The following MAGI2 variants were observed in gnomAD, a reference collection of about 807,000 sequenced individuals.
MAGI2 encodes membrane-associated guanylate kinase, WW and PDZ domain-containing protein 2.
In MAGI2, 35 loss-of-function variants were observed where a neutral mutation model predicts 133.3. That is an observed-to-expected ratio of 0.26 (90% CI 0.20 to 0.35). The LOEUF is 0.35. MAGI2 is among the 10% of genes least tolerant of loss of function. MAGI2 has a pLI of 1.00. For missense variants in MAGI2, 1,636 were observed against 1,863.4 expected (o/e 0.88, Z 2.25); for synonymous variants, 729 against 710.6 (o/e 1.03, Z -0.41).
intron 1 of MAGI2, among the ~76,000 whole-genome samples, chr7:79,159,458 G>C (rs1824140339): frequency 6.6e-6 from 1 of 150,644 alleles, no homozygotes; most frequent in Admixed American, 6.6e-5. Flanking sequence ...CAGAGGTTGC[G>C]GGTGAGCTGA....
intron 1 of MAGI2, among the ~76,000 whole-genome samples, chr7:79,201,348 G>T (rs373545752): frequency 2.6e-5 from 4 of 152,050 alleles, no homozygotes; most frequent in South Asian, 4.1e-4. Context: ...GTTTATGAGG[G>T]TTTTATGTGA....
intron 3 of MAGI2, among the ~76,000 whole-genome samples, chr7:78,625,555 A>G (rs1342830753): frequency 1.3e-5 from 2 of 152,116 alleles, no homozygotes; most frequent in African/African-American, 4.8e-5. Flanking sequence ...AGTACATTTA[A>G]TATAGCCTAA....
At chr7:78,078,789 T>G in intron 21 of MAGI2, 158 bp downstream of exon 21, 1 of 195,542 alleles carries the variant, frequency 5.1e-6, no homozygotes, top group Non-Finnish European at 8.8e-6. Context: ...TGTGTGTGTA[T>G]GTGTGTGTGT....
intron 15 of MAGI2, among the ~76,000 whole-genome samples, chr7:78,164,409 C>T (rs1825415134): frequency 6.6e-6 from 1 of 152,188 alleles, no homozygotes. Context: ...CCCTCATGGT[C>T]CTTATGGGGC....
intron 21 of MAGI2, among the ~76,000 whole-genome samples, chr7:78,046,608 A>T (rs1811461547): frequency 6.6e-6 from 1 of 152,226 alleles, no homozygotes; most frequent in Non-Finnish European, 1.5e-5. Context: ...ACAAGGTGAG[A>T]TATGGCCAAG....
At chr7:79,029,484 T>C (rs937791913) in intron 1 of MAGI2, among the ~76,000 whole-genome samples, 3 of 152,164 alleles carry the variant, frequency 2.0e-5, no homozygotes, top group Admixed American at 6.6e-5. Context: ...ATCATTATAT[T>C]TGGTGACCTG....
At chr7:78,885,467 G>A (rs73144911) in intron 2 of MAGI2, among the ~76,000 whole-genome samples, 9,353 of 152,170 alleles carry the variant, frequency 0.061, 355 homozygotes, top group Middle Eastern at 0.11. Context: ...TTTATACTGT[G>A]CTAAGGCTAT....
intron 1 of MAGI2, among the ~76,000 whole-genome samples, chr7:79,081,053 G>A (rs868295585): frequency 2.0e-5 from 3 of 151,958 alleles, no homozygotes; most frequent in East Asian, 1.9e-4. Context: ...AAACCCGGCC[G>A]CACAGATATG....
chr7:78,761,439 G>C (rs1031885115), intron 2 of MAGI2, among the ~76,000 whole-genome samples: 3 of 151,940 alleles, frequency 2.0e-5, no homozygotes, highest in African/African-American at 7.2e-5. Flanking sequence ...AACCATCTGG[G>C]GGTCTTGTTA....
intron 2 of MAGI2, among the ~76,000 whole-genome samples, chr7:78,673,571 C>A (rs1014614824): frequency 2.0e-5 from 3 of 152,052 alleles, no homozygotes; most frequent in African/African-American, 7.2e-5. Context: ...AAGAAGAAGA[C>A]CAATGTCCTA....
intron 21 of MAGI2, among the ~76,000 whole-genome samples, chr7:78,030,446 G>A (rs779873854): frequency 9.2e-5 from 14 of 152,106 alleles, no homozygotes; most frequent in African/African-American, 2.7e-4. Context: ...TAGTAGAGAC[G>A]GGGTTTCACC....
chr7:78,921,776 C>T (rs1309348408), intron 2 of MAGI2, among the ~76,000 whole-genome samples: 2 of 152,024 alleles, frequency 1.3e-5, no homozygotes, highest in Non-Finnish European at 2.9e-5. Context: ...GGACTACAGG[C>T]ACACACAATC....
intron 1 of MAGI2, among the ~76,000 whole-genome samples, chr7:79,419,707 C>A (rs183327408): frequency 7.9e-5 from 12 of 152,106 alleles, no homozygotes; most frequent in African/African-American, 2.6e-4. Context: ...ACCCTATTCC[C>A]ATTAAGCATG....
chr7:79,257,009 G>A (rs1833734359), intron 1 of MAGI2, among the ~76,000 whole-genome samples: 1 of 152,048 alleles, frequency 6.6e-6, no homozygotes, highest in African/African-American at 2.4e-5. Context: ...ACAATGTATT[G>A]CTGAAACATG....
intron 1 of MAGI2, among the ~76,000 whole-genome samples, chr7:79,180,465 C>T (rs1826510718): frequency 6.6e-6 from 1 of 151,958 alleles, no homozygotes; most frequent in Non-Finnish European, 1.5e-5. Context: ...AAAGAAACTC[C>T]CTTTTCTAAA....
At chr7:78,131,168 C>T (rs1296204138) in intron 18 of MAGI2, among the ~76,000 whole-genome samples, 1 of 152,342 alleles carries the variant, frequency 6.6e-6, no homozygotes, top group East Asian at 1.9e-4. Context: ...CCAGTGCAAT[C>T]TGTTGAAGTG....
chr7:78,241,539 TCA>T (rs1337575505), intron 10 of MAGI2, among the ~76,000 whole-genome samples: 2 of 152,180 alleles, frequency 1.3e-5, no homozygotes, highest in Admixed American at 6.5e-5. Context: ...TTATTAACTC[TCA>T]GTCTGTTAGG....
At chr7:79,226,382 T>C (rs939729981) in intron 1 of MAGI2, among the ~76,000 whole-genome samples, 6 of 152,082 alleles carry the variant, frequency 3.9e-5, no homozygotes, top group Non-Finnish European at 8.8e-5. Context: ...ATCCCCATCA[T>C]ATATGGTTGT....
chr7:78,644,504 T>C (rs1810639614), intron 2 of MAGI2, among the ~76,000 whole-genome samples: 2 of 152,084 alleles, frequency 1.3e-5, no homozygotes, highest in Non-Finnish European at 1.5e-5. Flanking sequence ...ATAACAGAAA[T>C]ATATCTGGAA....
Sources: allele counts gnomAD v4.1 joint callset (sites outside exome capture counted in the v4.1 genomes callset), GRCh38; gene constraint gnomAD v4.1.1; transcripts MANE v1.5; gene names NCBI Gene and HGNC (gene_info 2026-07-23, HGNC 2026-07-21).